The following SGCD variants were observed in gnomAD, a reference collection of about 807,000 sequenced individuals.
The protein encoded by SGCD is delta-sarcoglycan.
SGCD carries 18 observed loss-of-function variants against 36.6 expected under a neutral mutation model. The ratio of observed to expected loss-of-function variants is 0.49; its 90% CI spans 0.34 to 0.73. SGCD has a LOEUF of 0.73. Ranked by LOEUF, SGCD falls within the 30% of genes least tolerant of loss-of-function variation. The probability of loss-of-function intolerance (pLI) is 0.01; values close to 1 mark genes in which losing one functional copy is unlikely to be tolerated. For missense variants in SGCD, 387 were observed against 346.7 expected (o/e 1.12, Z -0.92); for synonymous variants, 133 against 130.6 (o/e 1.02, Z -0.12).
At chr5:155,986,759 A>C (rs1758339925) in intron 1 of SGCD, among the ~76,000 whole-genome samples, 1 of 152,084 alleles carries the variant, frequency 6.6e-6, no homozygotes, top group Non-Finnish European at 1.5e-5. Context: ...GTTTCTTCAG[A>C]GGTTATGCGG....
chr5:156,337,233 A>G (rs1768400629), intron 2 of SGCD, among the ~76,000 whole-genome samples: 1 of 152,222 alleles, frequency 6.6e-6, no homozygotes, highest in South Asian at 2.1e-4. Flanking sequence ...CCTTTGAGGG[A>G]ACCTATGCCT....
chr5:156,401,535 GTCA>G (rs1772147524), intron 3 of SGCD, among the ~76,000 whole-genome samples: 2 of 152,142 alleles, frequency 1.3e-5, no homozygotes. Context: ...TGAATACATT[GTCA>G]AAAAGAAGAT....
intron 2 of SGCD, among the ~76,000 whole-genome samples, chr5:156,341,950 G>A (rs1388951929): frequency 6.6e-6 from 1 of 152,134 alleles, no homozygotes; most frequent in Non-Finnish European, 1.5e-5. Flanking sequence ...GACCTCAAGA[G>A]ATCCCCCTTC....
At position 156,680,984 on chromosome 5, in the gene SGCD, A is replaced by G. The variant is rs1167364009; in HGVS notation, c.575+33448A>G. On this transcript the variant is annotated intron_variant, in intron 7 of 8. Coordinates refer to ENST00000337851, the MANE Select transcript of SGCD (RefSeq NM_000337.6). Reference sequence around the variant, plus strand: ...AGGAACCAGAGTGAAGGAACACTGGAACCAGCCGGTCGCTCCTCTCTGGCA... The same window carrying G: ...AGGAACCAGAGTGAAGGAACACTGGGACCAGCCGGTCGCTCCTCTCTGGCA... Among the ~76,000 whole-genome samples, 3 of 152,162 alleles carry G rather than the reference A, an allele frequency of 2.0e-5. No individual in the cohort carries two copies. In the South Asian group the frequency reaches 6.3e-4, roughly 32 times the overall value.
intron 3 of SGCD, among the ~76,000 whole-genome samples, chr5:156,147,452 G>A (rs1762730886): frequency 6.6e-6 from 1 of 152,106 alleles, no homozygotes; most frequent in African/African-American, 2.4e-5. Flanking sequence ...TTCCCTGGCT[G>A]TTTGCATTTC....
chr5:156,301,168 TC>T (rs1048388474), intron 3 of SGCD, among the ~76,000 whole-genome samples: 2 of 152,182 alleles, frequency 1.3e-5, no homozygotes, highest in East Asian at 1.9e-4. Flanking sequence ...GTCTCTTACT[TC>T]CTTCTTTCTT....
chr5:156,265,503 G>A (rs531348559), intron 3 of SGCD, among the ~76,000 whole-genome samples: 3 of 151,974 alleles, frequency 2.0e-5, no homozygotes, highest in East Asian at 3.9e-4. Context: ...GCTACTTAAG[G>A]TTGTCAGTTG....
intron 3 of SGCD, among the ~76,000 whole-genome samples, chr5:156,238,320 C>G (rs981056754): frequency 6.6e-6 from 1 of 152,088 alleles, no homozygotes; most frequent in African/African-American, 2.4e-5. Context: ...AGTAATAGAA[C>G]CTGCAGTCCT....
At chr5:156,550,460 A>G (rs1242697972) in intron 4 of SGCD, among the ~76,000 whole-genome samples, 1 of 152,210 alleles carries the variant, frequency 6.6e-6, no homozygotes, top group Non-Finnish European at 1.5e-5. Context: ...CTCACTGCAG[A>G]CATTGCTGCC....
rs887306438 is a variant in SGCD at position 156,540,714 on chromosome 5, G to A, written c.294+32012G>A. Among the ~76,000 whole-genome samples the A allele has an allele frequency of 1.6e-4, 25 of 152,200 alleles. 1 individual carries two copies. The highest frequency in any genetic ancestry group is 2.5e-4 in the Non-Finnish European group (17 of 67,996). ...TGTTGATGAAATCCTAATGAGCCAC[G>A]TTCCCCATGATAGAAGCAGTAATGC... On this transcript the variant is annotated intron_variant, in intron 4 of 8. Transcript: ENST00000337851.
rs79682617 is a variant in SGCD at position 156,029,206 on chromosome 5, G to C, written c.-281-88672G>C. On this transcript the variant is annotated intron_variant, in intron 1 of 9. Coordinates refer to the SGCD transcript ENST00000517913. ...TGAAACAGATATAAGCACAGGTTCT[G>C]TCTAATGGATTAATAATATAAACAA... Among the ~76,000 whole-genome samples the C allele has an allele frequency of 3.0e-3, 461 of 152,236 alleles. 1 individual carries two copies. The highest frequency in any genetic ancestry group is 0.011 in the African/African-American group (453 of 41,552).
the SGCD span, among the ~76,000 whole-genome samples, chr5:155,831,129 G>GC: frequency 6.6e-6 from 1 of 152,172 alleles, no homozygotes; most frequent in Non-Finnish European, 1.5e-5. Context: ...AAGAGGTGGA[G>GC]CTTGTATATG....
rs186295305 is a variant in SGCD at position 156,431,518 on chromosome 5, C to T, written c.193-77083C>T. Among the ~76,000 whole-genome samples, 32 of 152,184 alleles carry T rather than the reference C, an allele frequency of 2.1e-4. No individual in the cohort carries two copies. The East Asian group carries it at 5.8e-3, about 28-fold the overall frequency. ...CTGCCTGCCTATTAGGGTAGAGGTG[C>T]AGACTTTCCCTACTGCCCCCAGCAC... On this transcript the variant is annotated intron_variant, in intron 3 of 8. Transcript: ENST00000337851.
chr5:155,935,720 G>A (rs780527755), intron 1 of SGCD, among the ~76,000 whole-genome samples: 4 of 152,160 alleles, frequency 2.6e-5, no homozygotes, highest in South Asian at 2.1e-4. Flanking sequence ...GCCTTGGGGT[G>A]TTGCTTTTCC....
At chr5:156,287,767 C>T (rs544682203) in intron 3 of SGCD, among the ~76,000 whole-genome samples, 16 of 152,120 alleles carry the variant, frequency 1.1e-4, no homozygotes, top group African/African-American at 3.4e-4. Flanking sequence ...GGCATGGTGT[C>T]TCTCACCTGT....
At chr5:155,944,178 A>C (rs553098690) in intron 1 of SGCD, among the ~76,000 whole-genome samples, 1 of 152,284 alleles carries the variant, frequency 6.6e-6, no homozygotes, top group East Asian at 1.9e-4. Flanking sequence ...ATTGTGCACT[A>C]GCTCTGTGAG....
the SGCD span, among the ~76,000 whole-genome samples, chr5:155,834,172 T>A: frequency 8.2e-6 from 1 of 122,422 alleles, no homozygotes; most frequent in Non-Finnish European, 1.7e-5. Flanking sequence ...TATTAGTTGC[T>A]TACCTATGTG....
chr5:155,894,122 C>G (rs1012232865), intron 1 of SGCD, among the ~76,000 whole-genome samples: 1 of 152,150 alleles, frequency 6.6e-6, no homozygotes, highest in Non-Finnish European at 1.5e-5. Context: ...ATACTGTACA[C>G]TACTGTAGAC....
chr5:156,354,109 A>G (rs12514604), intron 3 of SGCD, among the ~76,000 whole-genome samples: 26,164 of 152,244 alleles, frequency 0.17, 2,964 homozygotes, highest in African/African-American at 0.32. Flanking sequence ...TTACTAGGGA[A>G]GAAAACACAT....
Sources: allele counts gnomAD v4.1 joint callset (sites outside exome capture counted in the v4.1 genomes callset), GRCh38; gene constraint gnomAD v4.1.1; transcripts MANE v1.5; gene names NCBI Gene and HGNC (gene_info 2026-07-23, HGNC 2026-07-21).